Variants in SIPA1L3 observed in about 807,000 individuals in gnomAD.
The protein encoded by SIPA1L3 is signal induced proliferation associated 1 like 3, also known as signal-induced proliferation-associated 1-like protein 3.
A neutral mutation model predicts 150.1 loss-of-function variants in SIPA1L3; 59 were observed. The observed-to-expected ratio is 0.39, with a 90% CI of 0.32 to 0.49. The LOEUF (loss-of-function observed/expected upper bound fraction) is 0.49, where lower values mean the gene tolerates loss of function less well. Ranked by LOEUF, SIPA1L3 falls within the 20% of genes least tolerant of loss-of-function variation. The probability of loss-of-function intolerance (pLI) is 0.86; values close to 1 mark genes in which losing one functional copy is unlikely to be tolerated. For synonymous variants in SIPA1L3, 1,070 were observed against 1,077.6 expected (o/e 0.99, Z 0.14); for missense variants, 2,211 against 2,489.5 (o/e 0.89, Z 2.38).
In SIPA1L3 at chr19:38,204,128, G is replaced by A. The variant is rs748028255; in HGVS notation, c.5122G>A (p.Glu1708Lys). ...PTPRTTPTMS[E>K]EPPLDLTGKV... The stretch of plus-strand genomic sequence containing the variant: ...TGACCTTGTCCCTGGTTTTTCCAGC[G>A]AGGAGCCACCCCTGGATCTGACAGG... The change falls in exon 21 of 22, where the codon GAG becomes AAG. Residue 1708 changes from glutamate to lysine, a missense_variant and splice_region_variant. Glu to Lys is a moderately conservative substitution (Grantham distance 56). Around this residue, in one of 5 missense-constraint regions of SIPA1L3, gnomAD observed 63 missense variants for 106.1 expected, o/e 0.59. Transcript: ENST00000222345. 7.6e-5 allele frequency: 118 copies of A among 1,556,456 alleles called. No individual in the cohort carries two copies. Among genetic ancestry groups the A allele is most frequent in the Non-Finnish European group, 9.9e-5 (114 of 1,149,376 alleles).
chr19:38,056,499 C>T (rs1245667243), intron 2 of SIPA1L3, among the ~76,000 whole-genome samples: 2 of 152,212 alleles, frequency 1.3e-5, no homozygotes, highest in African/African-American at 4.8e-5. Context: ...ACCCACTCTC[C>T]AGCACCCTGC....
At chr19:38,179,184 A>G (rs1456381005) in intron 15 of SIPA1L3, among the ~76,000 whole-genome samples, 1 of 152,220 alleles carries the variant, frequency 6.6e-6, no homozygotes, top group African/African-American at 2.4e-5. Context: ...TTACACCTGT[A>G]AAATCCCAGC....
chr19:37,908,173 G>C (rs961742547), intron 1 of SIPA1L3, among the ~76,000 whole-genome samples: 7 of 152,160 alleles, frequency 4.6e-5, no homozygotes, highest in African/African-American at 1.7e-4. Context: ...CCCTCTGAGG[G>C]TGGGGCTCTG....
intron 1 of SIPA1L3, among the ~76,000 whole-genome samples, chr19:37,917,103 A>T (rs2046420411): frequency 6.6e-6 from 1 of 152,256 alleles, no homozygotes; most frequent in African/African-American, 2.4e-5. Flanking sequence ...TTCAACATGT[A>T]ATCAATATAG....
intron 1 of SIPA1L3, among the ~76,000 whole-genome samples, chr19:37,961,116 G>A (rs1348391170): frequency 6.6e-6 from 1 of 151,050 alleles, no homozygotes; most frequent in Non-Finnish European, 1.5e-5. Flanking sequence ...TGATCCACCC[G>A]CCTTGGCTTT....
chr19:37,992,558 C>T (rs372530997), intron 1 of SIPA1L3, among the ~76,000 whole-genome samples: 2 of 151,520 alleles, frequency 1.3e-5, no homozygotes, highest in Non-Finnish European at 2.9e-5. Flanking sequence ...GGCTGAGGCA[C>T]GAGAATCACT....
chr19:38,021,996 A>C (rs1293030125), intron 1 of SIPA1L3, among the ~76,000 whole-genome samples: 1 of 152,082 alleles, frequency 6.6e-6, no homozygotes, highest in Non-Finnish European at 1.5e-5. Context: ...TAGGTCTTTG[A>C]CCCATCTGAC....
chr19:38,028,853 C>T (rs889498451), intron 1 of SIPA1L3, among the ~76,000 whole-genome samples: 11 of 152,002 alleles, frequency 7.2e-5, no homozygotes, highest in Admixed American at 6.6e-4. Context: ...CCACCACGCC[C>T]GGCTAATTTT....
chr19:38,178,086 GGTGTGTGTGTGTGT>G (rs765404105), intron 15 of SIPA1L3, among the ~76,000 whole-genome samples: 3,999 of 130,940 alleles, frequency 0.031, 111 homozygotes, highest in Middle Eastern at 0.073. Context: ...GCAGGCTTTT[GGTGTGTGTGTGTGT>G]GTGTGTGTGT....
Position 38,182,441 on chromosome 19 carries a change from A to T in SIPA1L3, c.4209-78A>T, listed in dbSNP as rs1231181411. 7 of 1,083,436 alleles carry T rather than the reference A, an allele frequency of 6.5e-6. No individual in the cohort carries two copies. The Admixed American group carries it at 1.6e-4, about 24-fold the overall frequency. The allele number at this position is 1,083,436 out of a possible 1,614,324, so 67.1% of individuals were successfully genotyped here. On this transcript the variant is annotated intron_variant, in intron 15 of 21. Transcript: ENST00000222345. ...CAAATGAACTTTTTTGATTCCCAAGAGTAAACTTCAATAGCTCTGTCTTGC... is the reference window on the plus strand; with the variant it reads ...CAAATGAACTTTTTTGATTCCCAAGTGTAAACTTCAATAGCTCTGTCTTGC...
chr19:37,917,629 A>G (rs2046424221), intron 1 of SIPA1L3, among the ~76,000 whole-genome samples: 1 of 152,098 alleles, frequency 6.6e-6, no homozygotes, highest in South Asian at 2.1e-4. Flanking sequence ...AACCTGTTTT[A>G]TATGCTGTAT....
At chr19:37,988,451 G>A (rs2145630260) in intron 1 of SIPA1L3, among the ~76,000 whole-genome samples, 1 of 152,264 alleles carries the variant, frequency 6.6e-6, no homozygotes, top group South Asian at 2.1e-4. Flanking sequence ...CGAGGCGGGT[G>A]GATCACCTGA....
intron 2 of SIPA1L3, among the ~76,000 whole-genome samples, chr19:38,071,769 G>C (rs1324679478): frequency 2.0e-5 from 3 of 152,206 alleles, no homozygotes; most frequent in Non-Finnish European, 4.4e-5. Context: ...GTGATGGACA[G>C]GAAATGTGAG....
rs113951593 is a variant in SIPA1L3, at chr19:37,992,494, TAC to T, written c.-378-36593_-378-36592del. Among the ~76,000 whole-genome samples, 1,437 of 152,050 alleles carry T rather than the reference TAC, an allele frequency of 9.5e-3. 27 individuals carry two copies. The highest frequency in any genetic ancestry group is 0.033 in the African/African-American group (1,359 of 41,492). On this transcript the variant is annotated intron_variant, in intron 1 of 21. Transcript: ENST00000222345. The stretch of plus-strand genomic sequence containing the variant: ...GGCGAGACCCCGTCTCTATTAAAAA[TAC>T]AAAAATTTTCTGCACATGGTGGCAC...
intron 1 of SIPA1L3, among the ~76,000 whole-genome samples, chr19:37,960,383 C>T (rs1009113119): frequency 4.0e-5 from 6 of 151,184 alleles, no homozygotes; most frequent in East Asian, 1.9e-4. Flanking sequence ...ACTATAGGTG[C>T]GCGCCACCAC....
intron 1 of SIPA1L3, among the ~76,000 whole-genome samples, chr19:38,015,721 T>TTA (rs750911409): frequency 2.0e-5 from 2 of 102,166 alleles, no homozygotes; most frequent in Admixed American, 2.5e-4. Flanking sequence ...AAGATCCTGT[T>TTA]AAAAAAAAAA....
intron 2 of SIPA1L3, among the ~76,000 whole-genome samples, chr19:38,058,313 T>C (rs2145774842): frequency 6.6e-6 from 1 of 152,280 alleles, no homozygotes; most frequent in South Asian, 2.1e-4. Flanking sequence ...CCTTCTGTGG[T>C]GCTGCTGAAG....
At chr19:38,085,922 G>C (rs1409475860) in intron 3 of SIPA1L3, among the ~76,000 whole-genome samples, 2 of 152,086 alleles carry the variant, frequency 1.3e-5, no homozygotes, top group African/African-American at 4.8e-5. Context: ...CTTGAAGCTG[G>C]AAGGCAGAGG....
chr19:37,984,429 A>G (rs833913), intron 1 of SIPA1L3, among the ~76,000 whole-genome samples: 123,264 of 152,004 alleles, frequency 0.81, 50,288 homozygotes, highest in East Asian at 0.89. Context: ...TTGCATCTCA[A>G]TGCTGAAAGC....
Sources: allele counts gnomAD v4.1 joint callset (sites outside exome capture counted in the v4.1 genomes callset), GRCh38; gene constraint gnomAD v4.1.1; regional missense constraint gnomAD v4.1.1; transcripts MANE v1.5; gene names NCBI Gene and HGNC (gene_info 2026-07-23, HGNC 2026-07-21).